Variants in ZNF722 observed in about 807,000 individuals in gnomAD.
ZNF722 encodes zinc finger protein 479 pseudogene.
the ZNF722 span, chr7:63,999,048 C>T: frequency 4.4e-5 from 69 of 1,559,286 alleles, no homozygotes; most frequent in Non-Finnish European, 5.8e-5. Context: ...ACGGTTGGAA[C>T]CGGCTGAAAG....
the ZNF722 span, among the ~76,000 whole-genome samples, chr7:64,006,707 A>T: frequency 1.3e-5 from 2 of 152,130 alleles, no homozygotes; most frequent in African/African-American, 4.8e-5. Context: ...GTGTGAGAAT[A>T]GTAATTTCTG....
the ZNF722 span, among the ~76,000 whole-genome samples, chr7:64,010,616 T>C: frequency 6.6e-6 from 1 of 152,200 alleles, no homozygotes; most frequent in Admixed American, 6.5e-5. Flanking sequence ...GACAGTTTGT[T>C]GTGATTTCTG....
At chr7:64,008,158 G>C in the ZNF722 span, among the ~76,000 whole-genome samples, 4 of 152,012 alleles carry the variant, frequency 2.6e-5, no homozygotes, top group Non-Finnish European at 5.9e-5. Flanking sequence ...TTGTCAGATG[G>C]GTAGATTGCA....
chr7:64,004,426 ATAT>A, the ZNF722 span, among the ~76,000 whole-genome samples: 407 of 47,640 alleles, frequency 8.5e-3, 7 homozygotes, highest in East Asian at 0.015. Flanking sequence ...AAAAAAAAAA[ATAT>A]ATATATATAT....
the ZNF722 span, among the ~76,000 whole-genome samples, chr7:64,004,127 G>T: frequency 1.3e-5 from 2 of 151,888 alleles, no homozygotes; most frequent in African/African-American, 4.8e-5. Flanking sequence ...TAGGCCGGGC[G>T]CAGTGTCTCA....
the ZNF722 span, among the ~76,000 whole-genome samples, chr7:63,999,229 G>A: frequency 2.0e-5 from 3 of 152,114 alleles, no homozygotes; most frequent in Non-Finnish European, 2.9e-5. Context: ...CTTTGCCCTG[G>A]ACTGGAGGCC....
chr7:63,999,450 A>G, the ZNF722 span, among the ~76,000 whole-genome samples: 1 of 152,158 alleles, frequency 6.6e-6, no homozygotes, highest in African/African-American at 2.4e-5. Flanking sequence ...GTGTGATTCA[A>G]GAGTCATAGA....
the ZNF722 span, chr7:64,015,377 G>A: frequency 1.3e-6 from 2 of 1,511,522 alleles, no homozygotes; most frequent in South Asian, 2.3e-5. Context: ...ATCAACATCA[G>A]ATAATTCATA....
At chr7:64,004,474 C>A in the ZNF722 span, among the ~76,000 whole-genome samples, 5 of 128,522 alleles carry the variant, frequency 3.9e-5, no homozygotes, top group African/African-American at 1.5e-4. Context: ...ATTTGGATTA[C>A]CATTTACTTT....
the ZNF722 span, among the ~76,000 whole-genome samples, chr7:64,008,603 ATC>A: frequency 7.9e-5 from 12 of 152,114 alleles, no homozygotes; most frequent in African/African-American, 1.9e-4. Context: ...ATTGGTCTAT[ATC>A]TCTGTTTTGG....
chr7:64,015,098 A>G, the ZNF722 span: 122 of 1,420,764 alleles, frequency 8.6e-5, no homozygotes, highest in Non-Finnish European at 4.7e-5. Flanking sequence ...AAAAAGTAAT[A>G]CCAAGAACAT....
At chr7:64,005,688 A>C in the ZNF722 span, 1 of 1,558,444 alleles carries the variant, frequency 6.4e-7, no homozygotes, top group Non-Finnish European at 8.8e-7. Flanking sequence ...GCTCAGCAGA[A>C]TTTATATAGA....
At chr7:64,014,923 T>G in the ZNF722 span, 1 of 866,392 alleles carries the variant, frequency 1.2e-6, no homozygotes, top group Non-Finnish European at 1.8e-6. Flanking sequence ...TAATTTGATA[T>G]GCCATTTTGC....
chr7:64,014,987 G>A, the ZNF722 span: 1 of 1,228,856 alleles, frequency 8.1e-7, no homozygotes, highest in Non-Finnish European at 1.2e-6. Context: ...ATTCATCTGA[G>A]TCTAGTAAGT....
chr7:64,013,225 G>T, the ZNF722 span, among the ~76,000 whole-genome samples: 3 of 151,794 alleles, frequency 2.0e-5, no homozygotes, highest in South Asian at 6.2e-4. Context: ...TTGAAAGTGA[G>T]GTCTTAATGT....
the ZNF722 span, among the ~76,000 whole-genome samples, chr7:64,007,078 A>G: frequency 1.3e-5 from 2 of 151,528 alleles, no homozygotes; most frequent in African/African-American, 4.9e-5. Context: ...CATCATCAAC[A>G]TAGTTGGTGT....
chr7:64,000,655 T>C, the ZNF722 span, among the ~76,000 whole-genome samples: 1 of 151,686 alleles, frequency 6.6e-6, no homozygotes. Flanking sequence ...TTTGCCATGT[T>C]GGCCAGGCTG....
chr7:64,016,124 C>G, the ZNF722 span: 1 of 475,396 alleles, frequency 2.1e-6, no homozygotes. Context: ...CTTAATGAAC[C>G]CAAGAGAATT....
the ZNF722 span, chr7:64,015,982 A>C: frequency 9.6e-7 from 1 of 1,037,368 alleles, no homozygotes; most frequent in Non-Finnish European, 1.4e-6. Context: ...GGAAAAAAAC[A>C]CTACAAGTGT....
Sources: allele counts gnomAD v4.1 joint callset (sites outside exome capture counted in the v4.1 genomes callset), GRCh38; gene constraint gnomAD v4.1.1; transcripts MANE v1.5; gene names NCBI Gene and HGNC (gene_info 2026-07-23, HGNC 2026-07-21).